The following KLF12 variants were observed in gnomAD, a reference collection of about 807,000 sequenced individuals.
The protein encoded by KLF12 is KLF transcription factor 12, also known as Krueppel-like factor 12.
Under a neutral mutation model 37.8 loss-of-function variants are expected in KLF12, and 9 were observed. The observed-to-expected ratio is 0.24, with a 90% CI of 0.14 to 0.42. KLF12 has a LOEUF of 0.42. Among genes scored for constraint, KLF12 ranks in the 10% least tolerant of loss-of-function variants. KLF12 has a pLI of 1.00. For synonymous variants in KLF12, 208 were observed against 202.1 expected (o/e 1.03, Z -0.25); for missense variants, 411 against 516.0 (o/e 0.80, Z 1.97).
chr13:73,914,830 G>A (rs1330053604), intron 3 of KLF12, among the ~76,000 whole-genome samples: 1 of 151,990 alleles, frequency 6.6e-6, no homozygotes, highest in Admixed American at 6.5e-5. Context: ...TTCCTTTTGG[G>A]ATCCTACATT....
chr13:73,705,197 A>C (rs578237067), intron 7 of KLF12, among the ~76,000 whole-genome samples: 2 of 152,368 alleles, frequency 1.3e-5, no homozygotes, highest in East Asian at 1.9e-4. Flanking sequence ...CATTTAAAAT[A>C]TATCTCTTAC....
intron 3 of KLF12, among the ~76,000 whole-genome samples, chr13:73,925,038 T>C (rs1029482298): frequency 1.3e-5 from 2 of 152,180 alleles, no homozygotes; most frequent in East Asian, 1.9e-4. Flanking sequence ...GCTTGGTTCA[T>C]GAGGTTTAAG....
chr13:74,210,739 G>C, the KLF12 span, among the ~76,000 whole-genome samples: 1 of 148,108 alleles, frequency 6.8e-6, no homozygotes, highest in African/African-American at 2.4e-5. Flanking sequence ...CTTCAGACAT[G>C]GTACCTGGTG....
the KLF12 span, among the ~76,000 whole-genome samples, chr13:74,187,130 A>G: frequency 3.9e-5 from 6 of 152,126 alleles, no homozygotes; most frequent in Non-Finnish European, 7.4e-5. Flanking sequence ...ATTGCAGACA[A>G]CAGCCTGGGC....
chr13:74,264,681 T>C, the KLF12 span, among the ~76,000 whole-genome samples: 190 of 152,306 alleles, frequency 1.2e-3, 1 homozygote, highest in African/African-American at 4.4e-3. Flanking sequence ...TTCCCCCATT[T>C]TCATTTCAAA....
At chr13:74,280,825 CTTTTTTTTT>C in the KLF12 span, among the ~76,000 whole-genome samples, 2 of 110,562 alleles carry the variant, frequency 1.8e-5, no homozygotes, top group Admixed American at 1.1e-4. Flanking sequence ...TTTCTTTTTT[CTTTTTTTTT>C]TTTTTTTGCC....
At chr13:73,747,491 C>T (rs894404750) in intron 6 of KLF12, among the ~76,000 whole-genome samples, 6 of 152,166 alleles carry the variant, frequency 3.9e-5, no homozygotes, top group African/African-American at 1.4e-4. Flanking sequence ...TAACCTAGCT[C>T]TCAAATTGTA....
intron 1 of KLF12, among the ~76,000 whole-genome samples, chr13:74,109,175 T>C (rs1423783972): frequency 6.6e-6 from 1 of 152,138 alleles, no homozygotes; most frequent in Non-Finnish European, 1.5e-5. Flanking sequence ...TTTGAAGATA[T>C]AAAAATACAA....
At chr13:73,798,795 T>C (rs974417923) in intron 5 of KLF12, among the ~76,000 whole-genome samples, 1 of 152,138 alleles carries the variant, frequency 6.6e-6, no homozygotes, top group Non-Finnish European at 1.5e-5. Context: ...AAAAGGAACG[T>C]TTTTTGCACT....
At chr13:74,296,848 C>T in the KLF12 span, among the ~76,000 whole-genome samples, 1 of 152,124 alleles carries the variant, frequency 6.6e-6, no homozygotes, top group South Asian at 2.1e-4. Context: ...CTATTTGTAA[C>T]AGACTGTCCA....
chr13:73,722,449 C>T (rs1282971208), intron 6 of KLF12, among the ~76,000 whole-genome samples: 1 of 152,178 alleles, frequency 6.6e-6, no homozygotes, highest in East Asian at 1.9e-4. Context: ...CAATGTCTCT[C>T]CTATGATATT....
chr13:74,084,862 G>A (rs1007918179), intron 1 of KLF12, among the ~76,000 whole-genome samples: 1 of 151,992 alleles, frequency 6.6e-6, no homozygotes, highest in Non-Finnish European at 1.5e-5. Context: ...CCGCTTATTT[G>A]AAAGCCAGTG....
chr13:74,013,156 C>T (rs1379809038), intron 1 of KLF12, among the ~76,000 whole-genome samples: 1 of 152,242 alleles, frequency 6.6e-6, no homozygotes, highest in African/African-American at 2.4e-5. Flanking sequence ...CTTGGGACAT[C>T]CTGGGGAATG....
the KLF12 span, among the ~76,000 whole-genome samples, chr13:74,219,626 T>G: frequency 1.3e-5 from 2 of 152,216 alleles, no homozygotes; most frequent in African/African-American, 4.8e-5. Context: ...TTTAAAAAAT[T>G]GTTTAAGAAA....
intron 6 of KLF12, among the ~76,000 whole-genome samples, chr13:73,741,737 T>C (rs536149754): frequency 6.6e-6 from 1 of 152,360 alleles, no homozygotes; most frequent in South Asian, 2.1e-4. Context: ...GACTTTACAC[T>C]AACAAGTTAC....
At chr13:73,885,786 T>C (rs898499313) in intron 3 of KLF12, among the ~76,000 whole-genome samples, 3 of 152,126 alleles carry the variant, frequency 2.0e-5, no homozygotes, top group South Asian at 2.1e-4. Context: ...GAGAATACGT[T>C]GAAGGGAGTG....
At chr13:73,809,732 T>A (rs972280252) in intron 5 of KLF12, among the ~76,000 whole-genome samples, 1 of 152,174 alleles carries the variant, frequency 6.6e-6, no homozygotes. Context: ...CACTTCCCAG[T>A]GTTTACACAT....
At position 73,845,862 on chromosome 13, in the gene KLF12, A is replaced by G. The variant is rs780721355; in HGVS notation, c.635T>C (p.Val212Ala). 2 of 1,614,048 alleles carry G rather than the reference A, an allele frequency of 1.2e-6. No individual in the cohort carries two copies. The highest frequency in any genetic ancestry group is 2.2e-5 in the South Asian group (2 of 91,048). ...GCCTCTCCCATCCTCCAAAAGCGGC[A>G]CGACAATAGTGTTGTTCACATTTCC... The change falls in exon 4 of 8, where the codon GTG becomes GCG. Residue 212 changes from valine (V) to alanine (A), a missense_variant. Physicochemically the swap from Val to Ala is moderately conservative, Grantham distance 64. Transcript: ENST00000377669.
chr13:73,892,739 A>G (rs1887567389), intron 3 of KLF12, among the ~76,000 whole-genome samples: 1 of 152,098 alleles, frequency 6.6e-6, no homozygotes, highest in South Asian at 2.1e-4. Flanking sequence ...AAATAAAGAA[A>G]CTGAAAGACA....
Sources: allele counts gnomAD v4.1 joint callset (sites outside exome capture counted in the v4.1 genomes callset), GRCh38; gene constraint gnomAD v4.1.1; transcripts MANE v1.5; gene names NCBI Gene and HGNC (gene_info 2026-07-23, HGNC 2026-07-21).